SEPTIN10: variants seen among roughly 807,000 people sequenced by gnomAD.
SEPTIN10 encodes the protein septin 10.
SEPTIN10 carries 66 observed loss-of-function variants against 54.8 expected under a neutral mutation model. The ratio of observed to expected loss-of-function variants is 1.21; its 90% CI spans 0.99 to 1.48. The LOEUF (loss-of-function observed/expected upper bound fraction) is 1.48. Ranked by LOEUF, SEPTIN10 falls within the 40% of genes most tolerant of loss-of-function variation. The pLI is 0.00. For synonymous variants in SEPTIN10, 161 were observed against 181.0 expected (o/e 0.89, Z 0.89); for missense variants, 620 against 545.6 (o/e 1.14, Z -1.36).
intron 1 of SEPTIN10, among the ~76,000 whole-genome samples, chr2:109,599,221 GC>G (rs1696021584): frequency 1.3e-5 from 2 of 152,252 alleles, no homozygotes; most frequent in African/African-American, 4.8e-5. Context: ...ACTCTGGGAG[GC>G]CAAGACCGGT....
intron 7 of SEPTIN10, among the ~76,000 whole-genome samples, chr2:109,565,420 A>T (rs576018561): frequency 6.6e-6 from 1 of 152,302 alleles, no homozygotes; most frequent in South Asian, 2.1e-4. Context: ...ATCAGTAAAA[A>T]TATATAAATT....
chr2:109,607,811 T>G (rs545180040), intron 1 of SEPTIN10, among the ~76,000 whole-genome samples: 1 of 152,308 alleles, frequency 6.6e-6, no homozygotes, highest in East Asian at 1.9e-4. Context: ...AAACTCTGAC[T>G]TCCTTGATTC....
intron 9 of SEPTIN10, chr2:109,552,670 A>C (rs1683280830): frequency 5.7e-6 from 1 of 176,450 alleles, no homozygotes; most frequent in Admixed American, 6.2e-5. Flanking sequence ...TAGGCATAAG[A>C]AAACATCCAG....
intron 8 of SEPTIN10, among the ~76,000 whole-genome samples, chr2:109,560,532 T>C (rs72938247): frequency 0.017 from 2,559 of 152,314 alleles, 70 homozygotes; most frequent in African/African-American, 0.058. Flanking sequence ...TGGTCACACA[T>C]AGAATTAATC....
intron 4 of SEPTIN10, among the ~76,000 whole-genome samples, chr2:109,582,258 A>C (rs1691371504): frequency 6.6e-6 from 1 of 152,172 alleles, no homozygotes; most frequent in South Asian, 2.1e-4. Flanking sequence ...TAGTTGGAAG[A>C]ATCAATATAG....
At chr2:109,599,476 A>G (rs933995478) in intron 1 of SEPTIN10, among the ~76,000 whole-genome samples, 64 of 151,752 alleles carry the variant, frequency 4.2e-4, no homozygotes, top group African/African-American at 1.5e-3. Context: ...AAAAAAAAAA[A>G]AGAACTCAAG....
At chr2:109,609,364 AAC>A (rs552104538) in intron 1 of SEPTIN10, among the ~76,000 whole-genome samples, 109 of 152,340 alleles carry the variant, frequency 7.2e-4, no homozygotes, top group African/African-American at 2.3e-3. Context: ...TCTTCCAGAA[AAC>A]AGATCATTTA....
rs34166921 is a variant in SEPTIN10 at position 109,604,161 on chromosome 2, C to CAA, written c.30+9635_30+9636dup. 5.6e-3 allele frequency among the ~76,000 whole-genome samples: 326 copies of CAA among 58,666 alleles called. 6 individuals are homozygous for CAA. Among genetic ancestry groups the CAA allele is most frequent in the African/African-American group, 0.021 (292 of 13,978 alleles). The allele number at this position is 58,666 out of a possible 152,430, so 38.5% of individuals were successfully genotyped here. A position where few individuals can be genotyped will look rare whatever the true frequency, so the allele number is the denominator to read the frequency against. On this transcript the variant is annotated intron_variant, in intron 1 of 10. Coordinates refer to ENST00000397712, the MANE Select transcript of SEPTIN10 (RefSeq NM_144710.5). ...TGGGCGACAGAGCGAGACTCTGCCT[C>CAA]AAAAAAAAAAAAAAAAAAGAATTAA...
intron 4 of SEPTIN10, among the ~76,000 whole-genome samples, chr2:109,583,993 G>C (rs1199469048): frequency 6.6e-6 from 1 of 152,160 alleles, no homozygotes; most frequent in African/African-American, 2.4e-5. Flanking sequence ...CTACTAGAGT[G>C]GGAAGGAAGA....
chr2:109,609,797 G>A (rs1698841863), intron 1 of SEPTIN10, among the ~76,000 whole-genome samples: 1 of 152,102 alleles, frequency 6.6e-6, no homozygotes, highest in Non-Finnish European at 1.5e-5. Context: ...ATGCGGACAG[G>A]AATTGCAAAG....
At chr2:109,590,110 G>GTA (rs1553442436) in intron 2 of SEPTIN10, among the ~76,000 whole-genome samples, 4 of 149,750 alleles carry the variant, frequency 2.7e-5, no homozygotes, top group Admixed American at 6.7e-5. Context: ...ATATATGTAT[G>GTA]TATATATATA....
chr2:109,612,649 C>A (rs1170471979), intron 1 of SEPTIN10, among the ~76,000 whole-genome samples: 2 of 152,152 alleles, frequency 1.3e-5, no homozygotes, highest in African/African-American at 4.8e-5. Flanking sequence ...TGTTTGGATA[C>A]GTAATCTATG....
intron 1 of SEPTIN10, among the ~76,000 whole-genome samples, chr2:109,599,540 GCA>G (rs1365144444): frequency 6.6e-6 from 1 of 151,908 alleles, no homozygotes; most frequent in African/African-American, 2.4e-5. Flanking sequence ...CCTCCAGTGT[GCA>G]TGGCCTGTTT....
At chr2:109,545,768 C>T in intron 10 of SEPTIN10, 1 of 1,426,672 alleles carries the variant, frequency 7.0e-7, no homozygotes, top group Non-Finnish European at 9.1e-7. Flanking sequence ...GCCATTTTCC[C>T]CCAGCTAACT....
chr2:109,563,792 A>C lies in SEPTIN10; in HGVS notation c.1028+574T>G, dbSNP rs564306394. Among the ~76,000 whole-genome samples, 12 of 152,330 alleles carry C rather than the reference A, an allele frequency of 7.9e-5. No homozygotes were observed. The South Asian group carries it at 1.7e-3, about 21-fold the overall frequency. On this transcript the variant is annotated intron_variant, in intron 8 of 10. Coordinates refer to ENST00000397712, the MANE Select transcript of SEPTIN10 (RefSeq NM_144710.5). The stretch of plus-strand genomic sequence containing the variant: ...TCACTCATTCCAAAACCTTTACAGA[A>C]GAAAAACCAACAGAAAATGTTTTAG...
chr2:109,607,313 T>C (rs1698220415), intron 1 of SEPTIN10, among the ~76,000 whole-genome samples: 1 of 152,196 alleles, frequency 6.6e-6, no homozygotes, highest in African/African-American at 2.4e-5. Context: ...ACTTATAATG[T>C]ACAGAGTATT....
chr2:109,557,274 C>T (rs1684601321), intron 8 of SEPTIN10, among the ~76,000 whole-genome samples: 1 of 152,082 alleles, frequency 6.6e-6, no homozygotes, highest in South Asian at 2.1e-4. Context: ...TTGAGTTGTT[C>T]ACAAGGAAAA....
At chr2:109,574,158 G>A (rs1253079188) in intron 5 of SEPTIN10, among the ~76,000 whole-genome samples, 5 of 151,734 alleles carry the variant, frequency 3.3e-5, no homozygotes, top group Non-Finnish European at 5.9e-5. Flanking sequence ...ATTTCCAGGC[G>A]CTGGGCATGG....
chr2:109,585,052 A>G, intron 4 of SEPTIN10, 74 bp downstream of exon 4: 1 of 781,514 alleles, frequency 1.3e-6, no homozygotes, highest in Non-Finnish European at 1.9e-6. Flanking sequence ...AAATCAAATC[A>G]TAGTTCATGG....
Sources: gnomAD v4.1 joint callset for allele counts (sites outside exome capture counted in the v4.1 genomes callset) on GRCh38, gnomAD v4.1.1 for gene constraint, MANE v1.5 for transcripts, NCBI Gene and HGNC (gene_info 2026-07-23, HGNC 2026-07-21) for gene names.